Variants in CCDC70 observed in about 807,000 individuals in gnomAD.
CCDC70 encodes coiled-coil domain containing 70, also known as coiled-coil domain-containing protein 70.
CCDC70 carries 4 observed loss-of-function variants against 9.1 expected under a neutral mutation model. The observed-to-expected ratio is 0.44, with a 90% CI of 0.22 to 1.00. The LOEUF is 1.00. Among genes scored for constraint, CCDC70 ranks in the 50% least tolerant of loss-of-function variants. The pLI is 0.25. For synonymous variants in CCDC70, 119 were observed against 94.0 expected (o/e 1.27, Z -1.54); for missense variants, 308 against 271.3 (o/e 1.14, Z -0.95).
At position 51,866,141 on chromosome 13, in the gene CCDC70, G is replaced by T. The variant is rs1433672748; in HGVS notation, c.*61G>T. On this transcript the variant is annotated 3_prime_UTR_variant, in exon 2 of 2. Transcript: ENST00000242819. ...CCCCTGGGTTGGGATTCAAGTCCAG[G>T]GTGAGCCCATGTGCTGGAGAAAATA... The T allele has an allele frequency of 5.1e-6, 7 of 1,369,854 alleles. No individual in the cohort carries two copies. Among genetic ancestry groups the T allele is most frequent in the Non-Finnish European group, 4.9e-6 (5 of 1,012,496 alleles). The allele number at this position is 1,369,854 out of a possible 1,614,324, so 84.9% of individuals were successfully genotyped here. A position where few individuals can be genotyped will look rare whatever the true frequency, so the allele number is the denominator to read the frequency against.
Position 51,865,542 on chromosome 13 carries a change from T to C in CCDC70, c.131T>C (p.Met44Thr). 6.2e-7 allele frequency: 1 copy of C among 1,614,162 alleles called. No homozygotes were observed. The highest frequency in any genetic ancestry group is 1.1e-5 in the South Asian group (1 of 91,080). ...GAGGAAAAGGCTTTTCGCGAAGAGATGAAAATTTTTCGTGAAAAAATAGAG... is the reference window on the plus strand; with the variant it reads ...GAGGAAAAGGCTTTTCGCGAAGAGACGAAAATTTTTCGTGAAAAAATAGAG... ...LQEEKAFREE[M>T]KIFREKIEDF... The change falls in exon 2 of 2, where the codon ATG (methionine) becomes ACG (threonine). Residue 44 changes from methionine (M) to threonine (T), a missense_variant. Coordinates refer to ENST00000242819, the MANE Select transcript of CCDC70 (RefSeq NM_031290.4).
chr13:51,865,293 G>T, intron 1 of CCDC70, 39 bp from the exon 2 acceptor site: 1 of 1,110,758 alleles, frequency 9.0e-7, no homozygotes, highest in Non-Finnish European at 1.3e-6. Flanking sequence ...CCCCTGGCAT[G>T]TGATACTCAT....
Position 51,865,816 on chromosome 13 carries a change from C to A in CCDC70, c.405C>A (p.Asp135Glu), listed in dbSNP as rs772854835. Residue 135 changes from aspartate (D) to glutamate (E), a missense_variant, in exon 2 of 2, where the codon GAC (aspartate) becomes GAA (glutamate). Asp to Glu is a conservative substitution (Grantham distance 45). Transcript: ENST00000242819. ...WKEDNALWER[D>E]RNLLQEDKAL... Reference sequence around the variant, plus strand: ...AGGACAATGCCTTATGGGAAAGAGACCGGAACCTTCTTCAGGAGGACAAGG... The same window carrying A: ...AGGACAATGCCTTATGGGAAAGAGAACGGAACCTTCTTCAGGAGGACAAGG... 13 of 1,614,044 alleles carry A rather than the reference C, an allele frequency of 8.1e-6. No homozygotes were observed. In the African/African-American group the frequency reaches 1.2e-4, roughly 15 times the overall value.
In CCDC70 at chr13:51,861,996, G is replaced by A. The variant is rs1165969493; in HGVS notation, c.-314G>A. 6.6e-6 allele frequency: 1 copy of A among 152,282 alleles called. No individual in the cohort carries two copies. The highest frequency in any genetic ancestry group is 2.4e-5 in the African/African-American group (1 of 41,454). The allele number at this position is 152,282 out of a possible 1,614,324, so 9.4% of individuals were successfully genotyped here. A position where few individuals can be genotyped will look rare whatever the true frequency, so the allele number is the denominator to read the frequency against. ...CCTATCAGTGAAGTCAAAGATTGAA[G>A]AGGAACTCTTTCAAACCTTTCAAGT... On this transcript the variant is annotated 5_prime_UTR_variant, in exon 1 of 2. Coordinates refer to ENST00000242819, the MANE Select transcript of CCDC70 (RefSeq NM_031290.4).
intron 1 of CCDC70, among the ~76,000 whole-genome samples, 175 bp from the exon 2 acceptor site, chr13:51,865,157 C>G (rs1956410344): frequency 6.6e-6 from 1 of 152,244 alleles, no homozygotes; most frequent in Non-Finnish European, 1.5e-5. Flanking sequence ...GACTGCCTCT[C>G]CAGCTCAAAG....
Position 51,865,503 on chromosome 13 carries a change from T to C in CCDC70, c.92T>C (p.Met31Thr), listed in dbSNP as rs982606602. The C allele has an allele frequency of 6.2e-6, 10 of 1,614,052 alleles. No individual in the cohort carries two copies. In the African/African-American group the frequency reaches 6.7e-5, roughly 11 times the overall value. Residue 31 changes from methionine (M) to threonine (T), a missense_variant, in exon 2 of 2, where the codon ATG (methionine) becomes ACG (threonine). Transcript: ENST00000242819. Reference protein sequence around the residue: ...SSPSIRQKKLMHKLQEEKAFR... With the variant: ...SSPSIRQKKLTHKLQEEKAFR... ...CCCAGTATTCGCCAGAAGAAACTAA[T>C]GCACAAGCTGCAGGAGGAAAAGGCT... is the stretch of plus-strand genomic sequence containing the variant.
rs919638652 is a variant in CCDC70, at chr13:51,865,343, C to A, written c.-69C>A. The A allele has an allele frequency of 5.2e-6, 8 of 1,530,712 alleles. No individual in the cohort carries two copies. The highest frequency in any genetic ancestry group is 2.0e-4 in the Middle Eastern group (1 of 4,992). The allele number at this position is 1,530,712 out of a possible 1,614,324, so 94.8% of individuals were successfully genotyped here. A position where few individuals can be genotyped will look rare whatever the true frequency, so the allele number is the denominator to read the frequency against. ...TGCTGCCCCCACAGGGTCTGACCAGCCGACCTGGACCTGGCCAAGGGTCCT... is the reference window on the plus strand; with the variant it reads ...TGCTGCCCCCACAGGGTCTGACCAGACGACCTGGACCTGGCCAAGGGTCCT... On this transcript the variant is annotated 5_prime_UTR_variant, in exon 2 of 2. Coordinates refer to ENST00000242819, the MANE Select transcript of CCDC70 (RefSeq NM_031290.4).
chr13:51,865,217 C>A, intron 1 of CCDC70, 115 bp from the exon 2 acceptor site: 1 of 575,540 alleles, frequency 1.7e-6, no homozygotes, highest in Non-Finnish European at 2.9e-6. Flanking sequence ...CTCACAAACA[C>A]CACCATGTGG....
intron 1 of CCDC70, among the ~76,000 whole-genome samples, chr13:51,863,281 G>A (rs1036490997): frequency 6.6e-6 from 1 of 152,148 alleles, no homozygotes; most frequent in African/African-American, 2.4e-5. Flanking sequence ...GGCCTTCCTA[G>A]GGCGTTCAGC....
Position 51,865,493 on chromosome 13 carries a change from A to C in CCDC70, c.82A>C (p.Lys28Gln). The change falls in exon 2 of 2, where the codon AAG (lysine) becomes CAG (glutamine). Residue 28 changes from lysine (K) to glutamine (Q), a missense_variant. Lys to Gln is a moderately conservative substitution (Grantham distance 53). Transcript: ENST00000242819. ...GGCATCCTCTCCCAGTATTCGCCAG[A>C]AGAAACTAATGCACAAGCTGCAGGA... ...LAASSPSIRQ[K>Q]KLMHKLQEEK... 1 of 1,614,234 alleles carries C rather than the reference A, an allele frequency of 6.2e-7. No individual in the cohort carries two copies.
intron 1 of CCDC70, among the ~76,000 whole-genome samples, chr13:51,864,075 CTCCCTCCCTTCCT>C (rs923494814): frequency 1.1e-4 from 17 of 151,160 alleles, no homozygotes; most frequent in Non-Finnish European, 1.8e-4. Context: ...TTCTCCTTCC[CTCCCTCCCTTCCT>C]TCCCTCCCTT....
In CCDC70 at chr13:51,866,144, G is replaced by A. The variant is rs941609636; in HGVS notation, c.*64G>A. 4.5e-6 allele frequency: 6 copies of A among 1,320,840 alleles called. No homozygotes were observed. Among genetic ancestry groups the A allele is most frequent in the Non-Finnish European group, 6.2e-6 (6 of 970,254 alleles). The allele number at this position is 1,320,840 out of a possible 1,614,324, so 81.8% of individuals were successfully genotyped here. ...CTGGGTTGGGATTCAAGTCCAGGGTGAGCCCATGTGCTGGAGAAAATACAC... is the reference window on the plus strand; with the variant it reads ...CTGGGTTGGGATTCAAGTCCAGGGTAAGCCCATGTGCTGGAGAAAATACAC... On this transcript the variant is annotated 3_prime_UTR_variant, in exon 2 of 2. Coordinates refer to ENST00000242819, the MANE Select transcript of CCDC70 (RefSeq NM_031290.4).
intron 1 of CCDC70, among the ~76,000 whole-genome samples, chr13:51,862,568 C>T (rs533056350): frequency 9.9e-5 from 15 of 152,280 alleles, no homozygotes; most frequent in African/African-American, 2.9e-4. Context: ...AACACCTATC[C>T]TGTGGCAGAA....
rs549453980 is a variant in CCDC70 at position 51,862,656 on chromosome 13, A to G, written c.-81+427A>G. On this transcript the variant is annotated intron_variant, in intron 1 of 1. Transcript: ENST00000242819. ...ACAGGAAGGGCACATGCTCAGTCTGAGCTTAGGAGAGATGGCCTGGAGGAG... is the reference window on the plus strand; with the variant it reads ...ACAGGAAGGGCACATGCTCAGTCTGGGCTTAGGAGAGATGGCCTGGAGGAG... Among the ~76,000 whole-genome samples the G allele has an allele frequency of 2.0e-5, 3 of 152,222 alleles. No individual in the cohort carries two copies. In the East Asian group the frequency reaches 5.8e-4, roughly 29 times the overall value.
rs1387718273 is a variant in CCDC70, at chr13:51,865,662, A to G, written c.251A>G (p.Glu84Gly). The G allele has an allele frequency of 2.5e-6, 4 of 1,614,186 alleles. No homozygotes were observed. Among genetic ancestry groups the G allele is most frequent in the Non-Finnish European group, 2.5e-6 (3 of 1,180,024 alleles). The change falls in exon 2 of 2, where the codon GAA becomes GGA. Residue 84 changes from glutamate (E) to glycine (G), a missense_variant. Physicochemically the swap from Glu to Gly is moderately conservative, Grantham distance 98 (BLOSUM62 -2). Coordinates refer to ENST00000242819, the MANE Select transcript of CCDC70 (RefSeq NM_031290.4). ...GFWEEERPFWEEEKTFWKEEK... is the reference protein window; with the variant it reads ...GFWEEERPFWGEEKTFWKEEK... ...TGGGAAGAGGAGAGACCTTTCTGGG[A>G]AGAGGAGAAAACCTTCTGGAAAGAG...
rs1180000839 is a variant in CCDC70 at position 51,866,109 on chromosome 13, C to T, written c.*29C>T. 1 of 1,519,296 alleles carries T rather than the reference C, an allele frequency of 6.6e-7. No individual in the cohort carries two copies. The highest frequency in any genetic ancestry group is 2.2e-5 in the Admixed American group (1 of 45,148). 94.1% of individuals were successfully genotyped at this position (1,519,296 alleles called of 1,614,324 possible). ...GCATGCAGGTGCAGGGCCCTGTGGT[C>T]CAGACTCCCCTGGGTTGGGATTCAA... On this transcript the variant is annotated 3_prime_UTR_variant, in exon 2 of 2. Transcript: ENST00000242819.
rs200793760 is a variant in CCDC70, at chr13:51,865,739, T to G, written c.328T>G (p.Phe110Val). 1 of 1,614,056 alleles carries G rather than the reference T, an allele frequency of 6.2e-7. No individual in the cohort carries two copies. Among genetic ancestry groups the G allele is most frequent in the African/African-American group, 1.3e-5 (1 of 74,972 alleles). ...GTCTTTCAGGGAGGAAGAGAAAACTTTCTGGAAAAAGTACCGCACTTTCTG... is the reference window on the plus strand; with the variant it reads ...GTCTTTCAGGGAGGAAGAGAAAACTGTCTGGAAAAAGTACCGCACTTTCTG... ...EKSFREEEKTFWKKYRTFWKE... is the reference protein window; with the variant it reads ...EKSFREEEKTVWKKYRTFWKE... The change falls in exon 2 of 2, where the codon TTC becomes GTC. Residue 110 changes from phenylalanine (F) to valine (V), a missense_variant. Transcript: ENST00000242819.
rs779389504 is a variant in CCDC70, at chr13:51,865,719, T to C, written c.308T>C (p.Phe103Ser). 1.2e-6 allele frequency: 2 copies of C among 1,614,102 alleles called. No individual in the cohort carries two copies. The highest frequency in any genetic ancestry group is 3.3e-5 in the Admixed American group (2 of 60,028). ...EKSFWEMEKSFREEEKTFWKK... is the reference protein window; with the variant it reads ...EKSFWEMEKSSREEEKTFWKK... ...TCCTTCTGGGAAATGGAAAAGTCTT[T>C]CAGGGAGGAAGAGAAAACTTTCTGG... The change falls in exon 2 of 2, where the codon TTC becomes TCC. Residue 103 changes from phenylalanine (F) to serine (S), a missense_variant. Phe to Ser is a radical substitution (Grantham distance 155, BLOSUM62 -2). Coordinates refer to ENST00000242819, the MANE Select transcript of CCDC70 (RefSeq NM_031290.4).
chr13:51,863,665 G>GCACACA (rs1173463252), intron 1 of CCDC70, among the ~76,000 whole-genome samples: 2 of 103,760 alleles, frequency 1.9e-5, no homozygotes, highest in African/African-American at 9.1e-5. Context: ...ATATGCACGC[G>GCACACA]CACACAGACA....
Sources: gnomAD v4.1 joint callset for allele counts (sites outside exome capture counted in the v4.1 genomes callset) on GRCh38, gnomAD v4.1.1 for gene constraint, MANE v1.5 for transcripts, NCBI Gene and HGNC (gene_info 2026-07-23, HGNC 2026-07-21) for gene names.